DISC1: variants seen among roughly 807,000 people sequenced by gnomAD.
DISC1 encodes disrupted in schizophrenia 1 protein.
A neutral mutation model predicts 84.5 loss-of-function variants in DISC1; 57 were observed. The ratio of observed to expected loss-of-function variants is 0.67; its 90% CI spans 0.55 to 0.84. The LOEUF is 0.84. Ranked by LOEUF, DISC1 falls within the 40% of genes least tolerant of loss-of-function variation. DISC1 has a pLI of 0.00. For missense variants in DISC1, 1,000 were observed against 1,057.8 expected, an observed-to-expected ratio of 0.95 and a Z score of 0.76; for synonymous variants, 411 against 415.2, an observed-to-expected ratio of 0.99 and a Z score of 0.12.
intron 9 of DISC1, among the ~76,000 whole-genome samples, chr1:231,922,628 G>A (rs1165103534): frequency 1.3e-5 from 2 of 152,062 alleles, no homozygotes; most frequent in East Asian, 3.9e-4. Flanking sequence ...GCACAGTGAT[G>A]CATTTGGGAA....
chr1:231,934,238 T>G (rs1406352369), intron 9 of DISC1, among the ~76,000 whole-genome samples: 1 of 152,186 alleles, frequency 6.6e-6, no homozygotes, highest in African/African-American at 2.4e-5. Flanking sequence ...TGTCTGCATC[T>G]CCTTCCTCTC....
intron 3 of DISC1, among the ~76,000 whole-genome samples, chr1:231,736,690 C>T (rs1484360747): frequency 6.6e-6 from 1 of 152,168 alleles, no homozygotes; most frequent in African/African-American, 2.4e-5. Context: ...ATCCACACAT[C>T]TTGTGTATGG....
intron 10 of DISC1, among the ~76,000 whole-genome samples, chr1:231,986,223 C>G (rs1357905377): frequency 4.6e-5 from 7 of 152,326 alleles, no homozygotes; most frequent in Non-Finnish European, 1.0e-4. Context: ...CTGTCCCCAG[C>G]TTCTCCTGTC....
intron 1 of DISC1, among the ~76,000 whole-genome samples, chr1:231,651,359 C>T (rs920800011): frequency 1.3e-5 from 2 of 152,202 alleles, no homozygotes; most frequent in African/African-American, 2.4e-5. Flanking sequence ...GCTGGAGGTC[C>T]ACTCCAGACC....
intron 3 of DISC1, among the ~76,000 whole-genome samples, chr1:231,732,621 G>A (rs2071671937): frequency 6.6e-6 from 1 of 152,170 alleles, no homozygotes; most frequent in African/African-American, 2.4e-5. Flanking sequence ...TTCATTGTGT[G>A]GCTGAGTGGC....
intron 10 of DISC1, among the ~76,000 whole-genome samples, chr1:231,987,170 G>A (rs1664566236): frequency 6.6e-6 from 1 of 152,194 alleles, no homozygotes; most frequent in Non-Finnish European, 1.5e-5. Context: ...TAATTTTATT[G>A]TGCTATTTTT....
intron 9 of DISC1, among the ~76,000 whole-genome samples, chr1:231,955,576 G>C (rs765928243): frequency 6.8e-6 from 1 of 148,012 alleles, no homozygotes; most frequent in East Asian, 2.0e-4. Context: ...TGCAACCTCC[G>C]CCTCCCACGT....
chr1:232,034,113 T>G (rs1453167317), intron 12 of DISC1, among the ~76,000 whole-genome samples: 2 of 152,212 alleles, frequency 1.3e-5, no homozygotes, highest in African/African-American at 4.8e-5. Flanking sequence ...AGAAGTACTT[T>G]GCAAATAAAA....
At chr1:231,872,433 A>C (rs1329304798) in intron 9 of DISC1, among the ~76,000 whole-genome samples, 1 of 151,966 alleles carries the variant, frequency 6.6e-6, no homozygotes, top group Non-Finnish European at 1.5e-5. Flanking sequence ...TGATACCTGC[A>C]CTCTCTAGGT....
intron 9 of DISC1, among the ~76,000 whole-genome samples, chr1:231,930,106 C>A (rs2090565203): frequency 6.6e-6 from 1 of 152,168 alleles, no homozygotes; most frequent in Non-Finnish European, 1.5e-5. Flanking sequence ...CACTAACAGG[C>A]ATCACTCAAA....
At chr1:231,842,190 A>C (rs1459055668) in intron 9 of DISC1, among the ~76,000 whole-genome samples, 1 of 151,990 alleles carries the variant, frequency 6.6e-6, no homozygotes, top group African/African-American at 2.4e-5. Flanking sequence ...TTTTGTAGAG[A>C]TAGGATCTCT....
chr1:231,787,495 A>G (rs908067813), intron 6 of DISC1, among the ~76,000 whole-genome samples: 1 of 151,916 alleles, frequency 6.6e-6, no homozygotes, highest in African/African-American at 2.4e-5. Flanking sequence ...GACCAACCTC[A>G]CCCTTTTGTC....
intron 4 of DISC1, among the ~76,000 whole-genome samples, chr1:231,755,980 A>G (rs1038606666): frequency 1.3e-5 from 2 of 152,192 alleles, no homozygotes; most frequent in Admixed American, 1.3e-4. Flanking sequence ...GTTATGCTCA[A>G]TGGCTCCCCA....
In DISC1 at chr1:231,646,693, C is replaced by T. The variant is rs894311977; in HGVS notation, c.67+19759C>T. ...TCCCACCAACAGTGTAAAAGCATTC[C>T]TGTTTCTCCATATCCTCTCCAGCAT... On this transcript the variant is annotated intron_variant, in intron 1 of 12. Coordinates refer to ENST00000439617, the MANE Select transcript of DISC1 (RefSeq NM_018662.3). Among the ~76,000 whole-genome samples, 10 of 152,274 alleles carry T rather than the reference C, an allele frequency of 6.6e-5. No homozygotes were observed. The Middle Eastern group carries it at 0.01, about 155-fold the overall frequency.
intron 9 of DISC1, among the ~76,000 whole-genome samples, chr1:231,890,977 C>G (rs2087162263): frequency 6.6e-6 from 1 of 152,138 alleles, no homozygotes; most frequent in African/African-American, 2.4e-5. Context: ...ACATGTGTCT[C>G]TCACCATCTG....
rs868320049 is a variant in DISC1 at position 231,750,552 on chromosome 1, T to C, written c.1268+476T>C. 9.1e-6 allele frequency: 9 copies of C among 987,412 alleles called. No homozygotes were observed. In the South Asian group the frequency reaches 2.8e-4, roughly 31 times the overall value. The allele number at this position is 987,412 out of a possible 1,614,324, so 61.2% of individuals were successfully genotyped here. On this transcript the variant is annotated intron_variant, in intron 4 of 12. Transcript: ENST00000439617. ...CAAGGCTCTTCTGAGATTAGTAATA[T>C]ATAGAGAGCAGTTGCTGCTTCTAAT... is the stretch of plus-strand genomic sequence containing the variant.
chr1:231,851,670 G>A (rs1051347277), intron 9 of DISC1, among the ~76,000 whole-genome samples: 12 of 152,112 alleles, frequency 7.9e-5, no homozygotes, highest in African/African-American at 2.9e-4. Context: ...GTGATGCGTC[G>A]TCATGGAGCA....
At chr1:232,021,654 C>T (rs1668973318) in intron 11 of DISC1, among the ~76,000 whole-genome samples, 1 of 152,184 alleles carries the variant, frequency 6.6e-6, no homozygotes, top group Non-Finnish European at 1.5e-5. Context: ...TAGTTTTATC[C>T]ACTCATGCGA....
chr1:232,035,562 G>A (rs763800391), intron 12 of DISC1, among the ~76,000 whole-genome samples: 2 of 152,214 alleles, frequency 1.3e-5, no homozygotes, highest in African/African-American at 4.8e-5. Context: ...TAGGTGGTCT[G>A]TAAACAGTCA....
Sources: allele counts gnomAD v4.1 joint callset (sites outside exome capture counted in the v4.1 genomes callset), GRCh38; gene constraint gnomAD v4.1.1; transcripts MANE v1.5; gene names NCBI Gene and HGNC (gene_info 2026-07-23, HGNC 2026-07-21).